GNAS: variants seen among roughly 807,000 people sequenced by gnomAD.
GNAS encodes the protein GNAS complex locus.
GNAS carries 8 observed loss-of-function variants against 54.5 expected under a neutral mutation model. That is an observed-to-expected ratio of 0.15 (90% CI 0.09 to 0.26). The LOEUF (loss-of-function observed/expected upper bound fraction) is 0.26. GNAS is among the 10% of genes least tolerant of loss of function. The pLI, the probability that GNAS is intolerant of heterozygous loss-of-function variation, is 1.00. For missense variants in GNAS, 170 were observed against 529.8 expected, an observed-to-expected ratio of 0.32 and a Z score of 6.67; for synonymous variants, 204 against 191.4, an observed-to-expected ratio of 1.07 and a Z score of -0.54.
At chr20:58,881,444 A>G (rs1283569648) in intron 1 of GNAS, among the ~76,000 whole-genome samples, 1 of 152,202 alleles carries the variant, frequency 6.6e-6, no homozygotes, top group East Asian at 1.9e-4. Flanking sequence ...TTCCTCTGTG[A>G]TAAGTCTTGG....
intron 1 of GNAS, among the ~76,000 whole-genome samples, chr20:58,875,851 G>C (rs1329710060): frequency 6.6e-6 from 1 of 152,198 alleles, no homozygotes; most frequent in Non-Finnish European, 1.5e-5. Context: ...GTACTATACG[G>C]TTGCTTTACT....
intron 1 of GNAS, chr20:58,855,078 C>A (rs767448638): frequency 3.1e-6 from 5 of 1,613,306 alleles, no homozygotes; most frequent in African/African-American, 1.3e-5. Context: ...AAAGCCCCAG[C>A]GCAACTTACT....
In GNAS at chr20:58,909,896, C is replaced by T. The variant is rs2091324411; in HGVS notation, c.840-55C>T. On this transcript the variant is annotated intron_variant, in intron 10 of 12. Coordinates refer to ENST00000371085, the MANE Select transcript of GNAS (RefSeq NM_000516.7). The surrounding 1 kb of genome is among the most constrained non-coding windows in gnomAD (Gnocchi z 7.3). ...AAGAACCCCGTGCAAGCATTCCAGA[C>T]CCCTGGCCGAAAGCGCGCTTCTCCC... The T allele has an allele frequency of 6.2e-7, 1 of 1,612,858 alleles. No homozygotes were observed. The highest frequency in any genetic ancestry group is 1.3e-5 in the African/African-American group (1 of 74,914).
At position 58,853,760 on chromosome 20, in the gene GNAS, G is replaced by A. The variant is rs753275275; in HGVS notation, c.43+12874G>A. On this transcript the variant is annotated intron_variant, in intron 1 of 12. Transcript: ENST00000306090. This position sits in a 1 kb window ranked among gnomAD's most constrained non-coding sequence, Gnocchi z 4.4. ...CACCAGAAGAAGCTATGCCCTTTGA[G>A]TTTGACCAGCCTGCCCAGAGAGGCT... The A allele has an allele frequency of 2.9e-5, 46 of 1,613,524 alleles. No homozygotes were observed. Among genetic ancestry groups the A allele is most frequent in the Non-Finnish European group, 3.4e-6 (4 of 1,179,826 alleles).
chr20:58,853,792 A>T lies in GNAS; in HGVS notation c.43+12906A>T, dbSNP rs1345989914. 3.7e-6 allele frequency: 6 copies of T among 1,610,918 alleles called. No homozygotes were observed. In the Admixed American group the frequency reaches 1.0e-4, roughly 27 times the overall value. On this transcript the variant is annotated intron_variant, in intron 1 of 12. Transcript: ENST00000306090. The surrounding 1 kb of genome is among the most constrained non-coding windows in gnomAD (Gnocchi z 4.4). ...CAGCCTGCCCAGAGAGGCTGCAGTC[A>T]ACTTCTCTTACAGGTCCCAGACCTT...
intron 1 of GNAS, among the ~76,000 whole-genome samples, chr20:58,870,574 G>A (rs1016981229): frequency 2.0e-5 from 3 of 152,260 alleles, no homozygotes; most frequent in African/African-American, 7.2e-5. Context: ...CATGTTTCCA[G>A]GGTGTTTTGG....
At chr20:58,903,609 T>C (rs765864135) in intron 4 of GNAS, 24 bp downstream of exon 4, 1 of 1,614,068 alleles carries the variant, frequency 6.2e-7, no homozygotes, top group Non-Finnish European at 8.5e-7. Context: ...CCTTGTGCTG[T>C]CTGTCTTGTA....
chr20:58,840,833 C>G, upstream of GNAS: 1 of 1,612,828 alleles, frequency 6.2e-7, no homozygotes. This position sits in a 1 kb window ranked among gnomAD's most constrained non-coding sequence, Gnocchi z 6.0. Flanking sequence ...CATCCCCATC[C>G]GGCGTCACTA....
At chr20:58,877,974 A>G (rs1460299258) in intron 1 of GNAS, among the ~76,000 whole-genome samples, 1 of 152,188 alleles carries the variant, frequency 6.6e-6, no homozygotes, top group Non-Finnish European at 1.5e-5. Flanking sequence ...TGGAGTCCTT[A>G]GAGATGAAGG....
At chr20:58,893,349 T>G (rs925071890) in intron 1 of GNAS, among the ~76,000 whole-genome samples, 2 of 152,134 alleles carry the variant, frequency 1.3e-5, no homozygotes, top group Admixed American at 6.5e-5. Context: ...TGTAATGAAA[T>G]GACCAAAAGA....
chr20:58,878,912 T>TGGGGGGGGGGGGGGGGGGGGGG (rs11086659), intron 1 of GNAS, among the ~76,000 whole-genome samples: 10 of 95,384 alleles, frequency 1.0e-4, no homozygotes, highest in African/African-American at 1.6e-4. Flanking sequence ...GGGGTGCGGG[T>TGGGGGGGGGGGGGGGGGGGGGG]GGGGGGGGGA....
At chr20:58,899,933 C>T (rs2090455502) in intron 3 of GNAS, 3 of 717,772 alleles carry the variant, frequency 4.2e-6, no homozygotes, top group African/African-American at 1.7e-5. Context: ...CATGTTTGTT[C>T]ATCTGTTTCT....
chr20:58,846,776 G>C (rs1382222988), intron 1 of GNAS, among the ~76,000 whole-genome samples: 1 of 152,172 alleles, frequency 6.6e-6, no homozygotes, highest in Non-Finnish European at 1.5e-5. Flanking sequence ...GGGTAATTGA[G>C]GTTGTTCTAG....
rs1434670734 is a variant in GNAS at position 58,855,018 on chromosome 20, A to T, written c.43+14132A>T. ...CAGCGGAGACGAGTCCGACGATGGG[A>T]CCTCCGGATGCCTCCGCTGGTTTCA... is the stretch of plus-strand genomic sequence containing the variant. On this transcript the variant is annotated intron_variant, in intron 1 of 12. Transcript: ENST00000306090. The T allele has an allele frequency of 2.5e-6, 4 of 1,612,802 alleles. No individual in the cohort carries two copies. In the South Asian group the frequency reaches 3.3e-5, roughly 13 times the overall value.
chr20:58,866,529 G>C (rs1218388824), intron 1 of GNAS, among the ~76,000 whole-genome samples: 1 of 152,086 alleles, frequency 6.6e-6, no homozygotes, highest in African/African-American at 2.4e-5. Flanking sequence ...TTTAAACAGT[G>C]GTCTAAGCCC....
At chr20:58,893,455 C>G (rs1222276302) in intron 1 of GNAS, among the ~76,000 whole-genome samples, 1 of 152,060 alleles carries the variant, frequency 6.6e-6, no homozygotes, top group Non-Finnish European at 1.5e-5. Context: ...AGACCTAGTT[C>G]GTGGTCACAT....
chr20:58,878,135 C>A (rs899111751), intron 1 of GNAS, among the ~76,000 whole-genome samples: 3 of 152,188 alleles, frequency 2.0e-5, no homozygotes, highest in Non-Finnish European at 4.4e-5. Flanking sequence ...TTACGCAGAG[C>A]ACAAGAGATG....
upstream of GNAS, chr20:58,889,499 TTTCTC>T (rs2088907678): frequency 5.5e-5 from 14 of 252,634 alleles, no homozygotes; most frequent in Admixed American, 7.9e-4. Context: ...TTCTCTCTCT[TTTCTC>T]TTCTCCATTG....
At chr20:58,886,168 C>T (rs771207121) in intron 1 of GNAS, among the ~76,000 whole-genome samples, 7 of 152,300 alleles carry the variant, frequency 4.6e-5, no homozygotes, top group Admixed American at 3.3e-4. Flanking sequence ...TTTATCACCA[C>T]GAAGCTGACA....
Sources: allele counts gnomAD v4.1 joint callset (sites outside exome capture counted in the v4.1 genomes callset), GRCh38; gene constraint gnomAD v4.1.1; non-coding constraint Gnocchi (gnomAD v3.1); transcripts MANE v1.5; gene names NCBI Gene and HGNC (gene_info 2026-07-23, HGNC 2026-07-21).